DOCK3: variants seen among roughly 807,000 people sequenced by gnomAD.
DOCK3 encodes the protein dedicator of cytokinesis 3, also known as dedicator of cytokinesis protein 3.
In DOCK3, 60 loss-of-function variants were observed where a neutral mutation model predicts 265.6. That is an observed-to-expected ratio of 0.23 (90% CI 0.18 to 0.28). The LOEUF is 0.28. Among genes scored for constraint, DOCK3 ranks in the 10% least tolerant of loss-of-function variants. The pLI is 1.00. For synonymous variants in DOCK3, 881 were observed against 938.0 expected (o/e 0.94, Z 1.11); for missense variants, 1,981 against 2,594.3 (o/e 0.76, Z 5.14).
At chr3:51,250,984 A>T (rs1339802483) in intron 22 of DOCK3, among the ~76,000 whole-genome samples, 1 of 152,152 alleles carries the variant, frequency 6.6e-6, no homozygotes, top group Non-Finnish European at 1.5e-5. Context: ...CTCGTCATTT[A>T]CATTAGGTGT....
Position 51,329,307 on chromosome 3 carries a change from A to G in DOCK3, c.3403-831A>G, listed in dbSNP as rs561428563. 4.6e-5 allele frequency among the ~76,000 whole-genome samples: 7 copies of G among 152,188 alleles called. 1 individual carries two copies. Among genetic ancestry groups the G allele is most frequent in the Admixed American group, 3.3e-4 (5 of 15,272 alleles). On this transcript the variant is annotated intron_variant, in intron 32 of 52. Coordinates refer to ENST00000266037, the MANE Select transcript of DOCK3 (RefSeq NM_004947.5). Reference sequence around the variant, plus strand: ...GCATCTGAGGCCTAATACCTAGGTGATGGGTTGATAGGTGCAGCAGACCAC... The same window carrying G: ...GCATCTGAGGCCTAATACCTAGGTGGTGGGTTGATAGGTGCAGCAGACCAC...
intron 10 of DOCK3, among the ~76,000 whole-genome samples, chr3:51,150,178 T>C (rs1480114158): frequency 6.6e-6 from 1 of 152,238 alleles, no homozygotes; most frequent in Non-Finnish European, 1.5e-5. Flanking sequence ...GTAGGATCGG[T>C]GACGATATCC....
intron 5 of DOCK3, among the ~76,000 whole-genome samples, chr3:51,032,248 C>A (rs752587736): frequency 1.3e-5 from 2 of 151,960 alleles, no homozygotes; most frequent in African/African-American, 4.8e-5. Context: ...CAAACTAGTT[C>A]GCAATCTTGA....
At chr3:50,716,422 G>A (rs1363862281) in intron 1 of DOCK3, among the ~76,000 whole-genome samples, 1 of 152,032 alleles carries the variant, frequency 6.6e-6, no homozygotes, top group East Asian at 1.9e-4. Flanking sequence ...CAGTTACTTG[G>A]GAGGCTGAGG....
At chr3:51,009,500 TTC>T (rs1268056742) in intron 5 of DOCK3, among the ~76,000 whole-genome samples, 1 of 152,212 alleles carries the variant, frequency 6.6e-6, no homozygotes, top group Admixed American at 6.5e-5. Flanking sequence ...TATTTGATTC[TTC>T]TCTCTTTTCT....
intron 1 of DOCK3, among the ~76,000 whole-genome samples, chr3:50,770,466 A>G (rs1333459475): frequency 6.6e-6 from 1 of 151,692 alleles, no homozygotes; most frequent in Admixed American, 6.6e-5. Flanking sequence ...GAAAAAAAAA[A>G]TCCGTGTTCA....
intron 5 of DOCK3, among the ~76,000 whole-genome samples, chr3:51,059,238 TAA>T (rs1450438687): frequency 6.6e-6 from 1 of 152,196 alleles, no homozygotes; most frequent in Admixed American, 6.5e-5. Context: ...GCCTATTTTA[TAA>T]GGGCACTAAT....
At chr3:51,151,165 T>C (rs2085568306) in intron 10 of DOCK3, among the ~76,000 whole-genome samples, 1 of 152,092 alleles carries the variant, frequency 6.6e-6, no homozygotes, top group Admixed American at 6.5e-5. Flanking sequence ...ATTTGCTTGG[T>C]AGATCTTCCT....
intron 3 of DOCK3, among the ~76,000 whole-genome samples, chr3:50,875,359 A>G (rs774358029): frequency 6.6e-6 from 1 of 152,154 alleles, no homozygotes; most frequent in Non-Finnish European, 1.5e-5. Context: ...TGGAAGTCTT[A>G]TCTTTGTCTT....
At chr3:51,176,226 G>C (rs2086943394) in intron 12 of DOCK3, among the ~76,000 whole-genome samples, 1 of 152,108 alleles carries the variant, frequency 6.6e-6, no homozygotes, top group African/African-American at 2.4e-5. Context: ...TGGTACCTTA[G>C]GTCCCAAGTA....
At chr3:51,019,793 A>G (rs2079509230) in intron 5 of DOCK3, among the ~76,000 whole-genome samples, 1 of 151,948 alleles carries the variant, frequency 6.6e-6, no homozygotes, top group African/African-American at 2.4e-5. Flanking sequence ...ATGTCCCTGC[A>G]GAAAACATGA....
rs559012197 is a variant in DOCK3, at chr3:51,235,293, A to T, written c.1918-1052A>T. Among the ~76,000 whole-genome samples, 20 of 152,362 alleles carry T rather than the reference A, an allele frequency of 1.3e-4. 1 individual carries two copies. The South Asian group carries it at 4.1e-3, about 32-fold the overall frequency. On this transcript the variant is annotated intron_variant, in intron 19 of 52. Coordinates refer to ENST00000266037, the MANE Select transcript of DOCK3 (RefSeq NM_004947.5). Reference sequence around the variant, plus strand: ...ATACTCATATTTTCCTTCTAAGAATATTGAAAATATCAACCAGTAAACGAG... The same window carrying T: ...ATACTCATATTTTCCTTCTAAGAATTTTGAAAATATCAACCAGTAAACGAG...
chr3:50,923,614 G>A (rs1195872669), intron 4 of DOCK3, among the ~76,000 whole-genome samples: 1 of 152,068 alleles, frequency 6.6e-6, no homozygotes, highest in Admixed American at 6.6e-5. Context: ...AATGGAGGAG[G>A]GGAAAAGTCA....
intron 5 of DOCK3, among the ~76,000 whole-genome samples, chr3:50,945,671 T>A (rs2076407523): frequency 6.6e-6 from 1 of 152,216 alleles, no homozygotes; most frequent in Non-Finnish European, 1.5e-5. Flanking sequence ...AATTCCATTA[T>A]TCATTTTTAT....
intron 27 of DOCK3, among the ~76,000 whole-genome samples, chr3:51,294,968 T>C (rs1560375947): frequency 1.3e-5 from 2 of 152,218 alleles, no homozygotes; most frequent in Non-Finnish European, 2.9e-5. Flanking sequence ...CATTCCACAA[T>C]GTATACATGT....
At chr3:51,349,073 G>A in intron 39 of DOCK3, 135 bp downstream of exon 39, 1 of 806,156 alleles carries the variant, frequency 1.2e-6, no homozygotes, top group Non-Finnish European at 2.0e-6. Context: ...CTGCCCTCAG[G>A]ACACTTGCAG....
intron 3 of DOCK3, among the ~76,000 whole-genome samples, chr3:50,886,677 C>T (rs2107699536): frequency 6.6e-6 from 1 of 150,986 alleles, no homozygotes; most frequent in Non-Finnish European, 1.5e-5. Context: ...ATTTTTTGTC[C>T]TTGCGATAGT....
intron 12 of DOCK3, among the ~76,000 whole-genome samples, chr3:51,199,481 G>C (rs2088561573): frequency 6.6e-6 from 1 of 152,360 alleles, no homozygotes; most frequent in South Asian, 2.1e-4. Flanking sequence ...CAGCGAGGCT[G>C]GGGGAGGGGC....
Position 51,354,926 on chromosome 3 carries a change from G to T in DOCK3, c.4152G>T (p.Glu1384Asp). The change falls in exon 41 of 53, where the codon GAG becomes GAT. Residue 1384 changes from glutamate (E) to aspartate (D), a missense_variant. Transcript: ENST00000266037. ...GTGGCCATGACTACGAGAGGCTGGA[G>T]GCCTTCCAGCAGAGGATGCTCAGTG... is the stretch of plus-strand genomic sequence containing the variant. ...VCRGHDYERL[E>D]AFQQRMLSEF... 6.2e-7 allele frequency: 1 copy of T among 1,613,930 alleles called. No individual in the cohort carries two copies. The highest frequency in any genetic ancestry group is 8.5e-7 in the Non-Finnish European group (1 of 1,179,858).
Sources: allele counts gnomAD v4.1 joint callset (sites outside exome capture counted in the v4.1 genomes callset), GRCh38; gene constraint gnomAD v4.1.1; transcripts MANE v1.5; gene names NCBI Gene and HGNC (gene_info 2026-07-23, HGNC 2026-07-21).